WASHC5: variants seen among roughly 807,000 people sequenced by gnomAD.
The protein encoded by WASHC5 is WASH complex subunit 5.
In WASHC5, 101 loss-of-function variants were observed where a neutral mutation model predicts 150.4. The observed-to-expected ratio is 0.67, with a 90% CI of 0.57 to 0.79. The LOEUF (loss-of-function observed/expected upper bound fraction) is 0.79, where lower values mean the gene tolerates loss of function less well. Among genes scored for constraint, WASHC5 ranks in the 30% least tolerant of loss-of-function variants. The pLI is 0.00. For missense variants in WASHC5, 1,195 were observed against 1,396.3 expected (o/e 0.86, Z 2.30); for synonymous variants, 467 against 491.2 (o/e 0.95, Z 0.65).
At position 125,057,605 on chromosome 8, in the gene WASHC5, A is replaced by G. The variant is rs1374908986; in HGVS notation, c.1826T>C (p.Leu609Pro). ...TCCAGAATAGTACTGTGACACGCTGAGCAGGTCGGGGCTATTTGCCTGATT... is the reference window on the plus strand; with the variant it reads ...TCCAGAATAGTACTGTGACACGCTGGGCAGGTCGGGGCTATTTGCCTGATT... Reference protein sequence around the residue: ...RINQANSPDLLSVSQYYSGEL... With the variant: ...RINQANSPDLPSVSQYYSGEL... Residue 609 changes from leucine to proline, a missense_variant, in exon 15 of 29, where the codon CTC (leucine) becomes CCC (proline). Leu to Pro is a moderately conservative substitution (Grantham distance 98). Around this residue, in one of 3 missense-constraint regions of WASHC5, gnomAD observed 997 missense variants for 1,168.1 expected, o/e 0.85. Transcript: ENST00000318410. 6.2e-7 allele frequency: 1 copy of G among 1,613,902 alleles called. No homozygotes were observed. The highest frequency in any genetic ancestry group is 1.3e-5 in the African/African-American group (1 of 74,928).
chr8:125,044,868 A>C, intron 20 of WASHC5, 170 bp from the exon 21 acceptor site: 1 of 711,150 alleles, frequency 1.4e-6, no homozygotes, highest in East Asian at 2.6e-5. Flanking sequence ...GTGACACCCA[A>C]TGGAACAGGA....
chr8:125,055,511 T>C, intron 17 of WASHC5, 80 bp downstream of exon 17: 1 of 838,144 alleles, frequency 1.2e-6, no homozygotes, highest in Admixed American at 1.7e-5. Flanking sequence ...CACTCCCTTT[T>C]GCACACATGA....
chr8:125,078,335 A>G lies in WASHC5; in HGVS notation c.711+403T>C, dbSNP rs139519775. On this transcript the variant is annotated intron_variant, in intron 6 of 28. Coordinates refer to ENST00000318410, the MANE Select transcript of WASHC5 (RefSeq NM_014846.4). Reference sequence around the variant, plus strand: ...TGGCACCCTGTGCTTACCCTAAGATAACACCCATCTTGCTTTACTATAATC... The same window carrying G: ...TGGCACCCTGTGCTTACCCTAAGATGACACCCATCTTGCTTTACTATAATC... Among the ~76,000 whole-genome samples the G allele has an allele frequency of 8.5e-5, 13 of 152,268 alleles. No individual in the cohort carries two copies. The East Asian group carries it at 2.3e-3, about 27-fold the overall frequency.
chr8:125,026,761 T>C (rs113905246), intron 28 of WASHC5, among the ~76,000 whole-genome samples: 5 of 152,272 alleles, frequency 3.3e-5, no homozygotes, highest in African/African-American at 9.6e-5. Context: ...TTCTATTTAG[T>C]TGCATACCAG....
intron 1 of WASHC5, among the ~76,000 whole-genome samples, chr8:125,084,893 ATC>A (rs1444702153): frequency 6.6e-6 from 1 of 152,240 alleles, no homozygotes; most frequent in East Asian, 1.9e-4. Context: ...AGTCCTAAGC[ATC>A]TCTGTTTTTA....
chr8:125,057,548 T>C lies in WASHC5; in HGVS notation c.1875+8A>G. The C allele has an allele frequency of 1.9e-6, 3 of 1,552,460 alleles. No homozygotes were observed. Among genetic ancestry groups the C allele is most frequent in the Non-Finnish European group, 2.7e-6 (3 of 1,125,054 alleles). ...CAAGAGTAAATATCACCCTGATGCA[T>C]TTCTTACTTTTCTCACATAGGATAC... On this transcript the variant is annotated splice_region_variant and intron_variant, in intron 15 of 28. Coordinates refer to ENST00000318410, the MANE Select transcript of WASHC5 (RefSeq NM_014846.4).
At position 125,047,283 on chromosome 8, in the gene WASHC5, TG is replaced by T. The variant is rs1264816114; in HGVS notation, c.2427del (p.Lys810SerfsTer9). The T allele has an allele frequency of 6.2e-7, 1 of 1,614,026 alleles. No homozygotes were observed. On this transcript the variant is annotated frameshift_variant, in exon 20 of 29. Transcript: ENST00000318410. LOFTEE classifies it high-confidence loss of function. ...SMYQSTHIPI[P>X]KFTPVDESVT... Reference sequence around the variant, plus strand: ...ACAGACTCATCCACAGGGGTAAACTTGGGTATTGGAATATGAGTGGACTGGT... The same window carrying T: ...ACAGACTCATCCACAGGGGTAAACTTGGTATTGGAATATGAGTGGACTGGT...
intron 6 of WASHC5, among the ~76,000 whole-genome samples, chr8:125,078,181 G>A (rs552042967): frequency 6.6e-6 from 1 of 152,220 alleles, no homozygotes; most frequent in South Asian, 2.1e-4. Flanking sequence ...TACTGGCAAG[G>A]GGAGTGGGGC....
chr8:125,069,045 CAT>C (rs779229853), intron 9 of WASHC5, among the ~76,000 whole-genome samples: 24 of 152,344 alleles, frequency 1.6e-4, no homozygotes, highest in South Asian at 4.1e-4. Context: ...CAAAAGTTCA[CAT>C]GTTAGACACT....
At chr8:125,045,455 A>G (rs955790722) in intron 20 of WASHC5, among the ~76,000 whole-genome samples, 4 of 152,162 alleles carry the variant, frequency 2.6e-5, no homozygotes, top group African/African-American at 9.7e-5. Flanking sequence ...GTTTTCAAAC[A>G]CTGAGAGAGG....
At chr8:125,037,513 A>G (rs548711434) in intron 25 of WASHC5, among the ~76,000 whole-genome samples, 180 bp from the exon 26 acceptor site, 1 of 152,354 alleles carries the variant, frequency 6.6e-6, no homozygotes. Flanking sequence ...GGCCCTGGCC[A>G]CATAAATACC....
chr8:125,050,684 T>C lies in WASHC5; in HGVS notation c.2098-19A>G. The C allele has an allele frequency of 6.3e-7, 1 of 1,588,500 alleles. No homozygotes were observed. The highest frequency in any genetic ancestry group is 8.6e-7 in the Non-Finnish European group (1 of 1,156,904). On this transcript the variant is annotated intron_variant, in intron 17 of 28. Coordinates refer to ENST00000318410, the MANE Select transcript of WASHC5 (RefSeq NM_014846.4). ...GATCCACCTAAGTGCCAATCAAAAG[T>C]ATTAAATGATAGTTACGAAAAATTC...
chr8:125,047,953 C>T (rs1156371414), intron 19 of WASHC5, among the ~76,000 whole-genome samples: 2 of 152,132 alleles, frequency 1.3e-5, no homozygotes, highest in African/African-American at 4.8e-5. Flanking sequence ...CTCAAGCAAT[C>T]CTCCCACCTG....
intron 6 of WASHC5, among the ~76,000 whole-genome samples, chr8:125,078,234 G>C (rs1817121771): frequency 6.6e-6 from 1 of 152,150 alleles, no homozygotes; most frequent in Non-Finnish European, 1.5e-5. Context: ...TGCTCAGGCT[G>C]CCTCCTTTCC....
At chr8:125,033,134 C>T (rs977864448) in intron 26 of WASHC5, among the ~76,000 whole-genome samples, 4 of 152,148 alleles carry the variant, frequency 2.6e-5, no homozygotes, top group African/African-American at 7.2e-5. Flanking sequence ...GCATGGGAAA[C>T]CAGAGACAGA....
intron 9 of WASHC5, among the ~76,000 whole-genome samples, chr8:125,069,835 CAGA>C (rs1816850598): frequency 6.6e-6 from 1 of 152,182 alleles, no homozygotes; most frequent in Non-Finnish European, 1.5e-5. Context: ...CAAACAAACT[CAGA>C]AGGAGCTCCA....
intron 6 of WASHC5, among the ~76,000 whole-genome samples, chr8:125,077,808 T>C (rs1472194049): frequency 6.6e-6 from 1 of 152,166 alleles, no homozygotes; most frequent in African/African-American, 2.4e-5. Flanking sequence ...AAAACCTCCT[T>C]TGTGGCTGGT....
rs59580091 is a variant in WASHC5 at position 125,076,744 on chromosome 8, T to TAAAAAAAAAAAAA, written c.712-257_712-245dup. Among the ~76,000 whole-genome samples the TAAAAAAAAAAAAA allele has an allele frequency of 0.035, 4,531 of 131,318 alleles. 188 individuals carry two copies. Among genetic ancestry groups the TAAAAAAAAAAAAA allele is most frequent in the African/African-American group, 0.085 (2,652 of 31,040 alleles). 86.1% of individuals were successfully genotyped at this position (131,318 alleles called of 152,430 possible). ...ACCGCTGCAATTCTAAGTCTTTTCT[T>TAAAAAAAAAAAAA]AAAAAAAAAAAAAAAAAGTCCCATT... On this transcript the variant is annotated intron_variant, in intron 6 of 28. Coordinates refer to ENST00000318410, the MANE Select transcript of WASHC5 (RefSeq NM_014846.4).
chr8:125,066,535 G>A (rs1816748515), intron 10 of WASHC5, among the ~76,000 whole-genome samples: 1 of 152,182 alleles, frequency 6.6e-6, no homozygotes, highest in African/African-American at 2.4e-5. Context: ...ACTAACCTCA[G>A]CATTTCCTTC....
Sources: allele counts gnomAD v4.1 joint callset (sites outside exome capture counted in the v4.1 genomes callset), GRCh38; gene constraint gnomAD v4.1.1; regional missense constraint gnomAD v4.1.1; transcripts MANE v1.5; gene names NCBI Gene and HGNC (gene_info 2026-07-23, HGNC 2026-07-21).